Variants in ARHGEF2 observed in about 807,000 individuals in gnomAD.
The protein encoded by ARHGEF2 is rho guanine nucleotide exchange factor 2.
Under a neutral mutation model 121.0 loss-of-function variants are expected in ARHGEF2, and 22 were observed. The observed-to-expected ratio is 0.18, with a 90% CI of 0.13 to 0.26. The LOEUF (loss-of-function observed/expected upper bound fraction) is 0.26, where lower values mean the gene tolerates loss of function less well. Among genes scored for constraint, ARHGEF2 ranks in the 10% least tolerant of loss-of-function variants. The pLI is 1.00. For synonymous variants in ARHGEF2, 487 were observed against 530.0 expected (o/e 0.92, Z 1.11); for missense variants, 907 against 1,336.0 (o/e 0.68, Z 5.01).
At position 155,978,029 on chromosome 1, in the gene ARHGEF2, C is replaced by T. The variant is rs1681628291; in HGVS notation, c.63+336G>A. 9.6e-7 allele frequency: 1 copy of T among 1,046,060 alleles called. No homozygotes were observed. The highest frequency in any genetic ancestry group is 1.7e-5 in the African/African-American group (1 of 59,784). 64.8% of individuals were successfully genotyped at this position (1,046,060 alleles called of 1,614,324 possible). Reference sequence around the variant, plus strand: ...CCGGAGCTTCCACCGCCCCCACCCGCGAGACACACACCTCCCTCTTCCCGC... The same window carrying T: ...CCGGAGCTTCCACCGCCCCCACCCGTGAGACACACACCTCCCTCTTCCCGC... On this transcript the variant is annotated intron_variant, in intron 1 of 21. Coordinates refer to ENST00000361247, the MANE Select transcript of ARHGEF2 (RefSeq NM_001162383.2). This position sits in a 1 kb window ranked among gnomAD's most constrained non-coding sequence, Gnocchi z 4.1.
intron 12 of ARHGEF2, among the ~76,000 whole-genome samples, 169 bp downstream of exon 12, chr1:155,958,151 C>T (rs1465013042): frequency 6.6e-6 from 1 of 152,206 alleles, no homozygotes. Flanking sequence ...TGCCTGTGCA[C>T]AGTAACAGTA....
chr1:155,970,356 C>T (rs1680226867), intron 1 of ARHGEF2: 1 of 985,524 alleles, frequency 1.0e-6, no homozygotes, highest in East Asian at 1.1e-4. Context: ...CTTCAAGCCC[C>T]TGTGATTCCC....
intron 1 of ARHGEF2, among the ~76,000 whole-genome samples, chr1:155,974,683 GATGAGACACTGGCA>G (rs939656962): frequency 2.0e-5 from 3 of 152,144 alleles, no homozygotes; most frequent in Admixed American, 2.0e-4. Context: ...AGTGAATGAA[GATGAGACACTGGCA>G]ATGGGAGTGG....
chr1:155,949,255 A>G (rs1674896324), intron 21 of ARHGEF2, among the ~76,000 whole-genome samples: 1 of 150,808 alleles, frequency 6.6e-6, no homozygotes, highest in African/African-American at 2.4e-5. Flanking sequence ...TCCATCTTAA[A>G]TAAATAAATA....
At chr1:155,971,894 A>T (rs7521292) in intron 1 of ARHGEF2, among the ~76,000 whole-genome samples, 49,089 of 150,670 alleles carry the variant, frequency 0.33, 8,718 homozygotes, top group East Asian at 0.78. Context: ...AAAAAAAAAA[A>T]ATATATACAT....
At position 155,958,365 on chromosome 1, in the gene ARHGEF2, C is replaced by G. The variant is rs1170040755; in HGVS notation, c.1500G>C (p.Leu500=). The G allele has an allele frequency of 1.2e-6, 2 of 1,613,756 alleles. No individual in the cohort carries two copies. Among genetic ancestry groups the G allele is most frequent in the East Asian group, 4.5e-5 (2 of 44,876 alleles). The part of the protein sequence containing the change: ...DVLVLLMTDV[L]VFLQEKDQKY... ...TCTGGTCCTTTTCCTGGAGAAACACCAGTACATCTGTCATCAGCAGCACTA... is the reference window on the plus strand; with the variant it reads ...TCTGGTCCTTTTCCTGGAGAAACACGAGTACATCTGTCATCAGCAGCACTA... The change falls in exon 12 of 22, where the codon CTG becomes CTC. Residue 500 remains leucine (L), a synonymous_variant. Coordinates refer to ENST00000361247, the MANE Select transcript of ARHGEF2 (RefSeq NM_001162383.2).
At chr1:155,966,537 C>T (rs1335994334) in intron 3 of ARHGEF2, 58 bp from the exon 4 acceptor site, 2 of 1,588,486 alleles carry the variant, frequency 1.3e-6, no homozygotes, top group Admixed American at 1.7e-5. Context: ...AAGGATCACC[C>T]CCAGAGGCAT....
At position 155,978,472 on chromosome 1, in the gene ARHGEF2, T is replaced by C; in HGVS notation, c.-45A>G. 7.0e-7 allele frequency: 1 copy of C among 1,419,458 alleles called. No individual in the cohort carries two copies. Among genetic ancestry groups the C allele is most frequent in the Non-Finnish European group, 9.4e-7 (1 of 1,068,126 alleles). The allele number at this position is 1,419,458 out of a possible 1,614,324, so 87.9% of individuals were successfully genotyped here. On this transcript the variant is annotated 5_prime_UTR_variant, in exon 1 of 22. Coordinates refer to ENST00000361247, the MANE Select transcript of ARHGEF2 (RefSeq NM_001162383.2). This position sits in a 1 kb window ranked among gnomAD's most constrained non-coding sequence, Gnocchi z 4.1. ...GGAGGACGCGGCGCGGACCCCGGCG[T>C]CCTGTATTGTTGGGGGAAGGCGGGG...
At chr1:155,963,291 A>T (rs1054940008) in intron 7 of ARHGEF2, 108 bp from the exon 8 acceptor site, 2 of 1,036,568 alleles carry the variant, frequency 1.9e-6, no homozygotes, top group East Asian at 4.9e-5. Flanking sequence ...GGTCCATTCC[A>T]GGTTAATATT....
intron 2 of ARHGEF2, among the ~76,000 whole-genome samples, chr1:155,967,244 GACTCCCACAGAACAGAAGATGGCACAGA>G (rs1679595234): frequency 1.3e-5 from 2 of 152,146 alleles, no homozygotes; most frequent in African/African-American, 4.8e-5. Flanking sequence ...TGGAAGAGAG[GACTCCCACAGAACAGAAGATGGCACAGA>G]GGCAGCCAGA....
intron 7 of ARHGEF2, 27 bp downstream of exon 7, chr1:155,964,960 GA>G (rs770844375): frequency 6.3e-7 from 1 of 1,595,296 alleles, no homozygotes; most frequent in Admixed American, 1.8e-5. Flanking sequence ...GGTGAAGGAA[GA>G]GGAAGACTAG....
chr1:155,968,234 T>G (rs1419991995), intron 2 of ARHGEF2: 2 of 151,300 alleles, frequency 1.3e-5, no homozygotes, highest in Admixed American at 1.3e-4. Context: ...GGTAGCAAGC[T>G]TTATTGTGAA....
At position 155,961,457 on chromosome 1, in the gene ARHGEF2, G is replaced by A. The variant is rs1364610179; in HGVS notation, c.1468+204C>T. Among the ~76,000 whole-genome samples, 1 of 152,026 alleles carries A rather than the reference G, an allele frequency of 6.6e-6. No homozygotes were observed. Among genetic ancestry groups the A allele is most frequent in the Non-Finnish European group, 1.5e-5 (1 of 68,006 alleles). ...GCCCGGCGAATTTTTTGTATTTTCA[G>A]TAGAGACAGGGTTTCACTGTGTTAG... On this transcript the variant is annotated intron_variant, in intron 11 of 21. Transcript: ENST00000361247. This position sits in a 1 kb window ranked among gnomAD's most constrained non-coding sequence, Gnocchi z 4.7.
Position 155,963,595 on chromosome 1 carries a change from C to T in ARHGEF2, c.725-412G>A, listed in dbSNP as rs186550739. ...TCCTGACCTCGTGATCTCCCCACCT[C>T]GGCCTCCCAAAGTGCTGGGATTACA... On this transcript the variant is annotated intron_variant, in intron 7 of 21. Transcript: ENST00000361247. 2.9e-3 allele frequency among the ~76,000 whole-genome samples: 438 copies of T among 151,576 alleles called. 4 individuals are homozygous for T. Among genetic ancestry groups the T allele is most frequent in the African/African-American group, 0.01 (414 of 41,392 alleles).
At chr1:155,972,728 G>A (rs1040157947) in intron 1 of ARHGEF2, among the ~76,000 whole-genome samples, 11 of 150,126 alleles carry the variant, frequency 7.3e-5, no homozygotes, top group Non-Finnish European at 1.6e-4. Context: ...TTGAGACAGG[G>A]TCTCACTCTG....
Position 155,950,514 on chromosome 1 carries a change from C to G in ARHGEF2, c.2704-32G>C, listed in dbSNP as rs374785657. ...ACAGTGGGCAGGAAGAACAGCAGGTCAGGGACTGAGTAGTGTGAAGATTGG... is the reference window on the plus strand; with the variant it reads ...ACAGTGGGCAGGAAGAACAGCAGGTGAGGGACTGAGTAGTGTGAAGATTGG... On this transcript the variant is annotated intron_variant, in intron 20 of 21. Transcript: ENST00000361247. The surrounding 1 kb of genome is among the most constrained non-coding windows in gnomAD (Gnocchi z 5.2). 6.2e-6 allele frequency: 10 copies of G among 1,605,068 alleles called. No homozygotes were observed. In the African/African-American group the frequency reaches 1.3e-4, roughly 21 times the overall value.
rs1675386205 is a variant in ARHGEF2 at position 155,951,222 on chromosome 1, G to A, written c.2310C>T (p.Gly770=). 6.2e-7 allele frequency: 1 copy of A among 1,611,446 alleles called. No homozygotes were observed. Residue 770 remains glycine, a synonymous_variant, in exon 20 of 22, where the codon GGC becomes GGT. Coordinates refer to ENST00000361247, the MANE Select transcript of ARHGEF2 (RefSeq NM_001162383.2). The surrounding 1 kb of genome is among the most constrained non-coding windows in gnomAD (Gnocchi z 5.1). ...GGCACAGCTTCTCCCGCCGCTCAGG[G>A]CCCTCAGGGAACCGGGCTTCCATCA... The part of the protein sequence containing the change: ...DTLMEARFPE[G]PERREKLCRA...
In ARHGEF2 at chr1:155,963,120, G is replaced by C; in HGVS notation, c.788C>G (p.Thr263Arg). 1 of 1,613,910 alleles carries C rather than the reference G, an allele frequency of 6.2e-7. No individual in the cohort carries two copies. Among genetic ancestry groups the C allele is most frequent in the Non-Finnish European group, 8.5e-7 (1 of 1,180,000 alleles). Residue 263 changes from threonine to arginine, a missense_variant, in exon 8 of 22, where the codon ACG (threonine) becomes AGG (arginine). By Grantham distance (71) the Thr-to-Arg change is moderately conservative. Coordinates refer to ENST00000361247, the MANE Select transcript of ARHGEF2 (RefSeq NM_001162383.2). ...TLKIMTRLFRTGMLEELHLEP... is the reference protein window; with the variant it reads ...TLKIMTRLFRRGMLEELHLEP... ...CAAGTGTAGCTCTTCCAGCATCCCC[G>C]TGCGGAAGAGGCGGGTCATGATCTT...
At chr1:155,978,848 C>A, upstream of ARHGEF2, 1 of 988,046 alleles carries the variant, frequency 1.0e-6, no homozygotes. This position sits in a 1 kb window ranked among gnomAD's most constrained non-coding sequence, Gnocchi z 4.1. Context: ...TGGCCCTTTC[C>A]CCTCTGCCCT....
Sources: gnomAD v4.1 joint callset for allele counts (sites outside exome capture counted in the v4.1 genomes callset) on GRCh38, gnomAD v4.1.1 for gene constraint, Gnocchi (gnomAD v3.1) non-coding constraint, MANE v1.5 for transcripts, NCBI Gene and HGNC (gene_info 2026-07-23, HGNC 2026-07-21) for gene names.